Variants in EPHA3 observed in about 807,000 individuals in gnomAD.
EPHA3 encodes the protein ephrin type-A receptor 3.
Under a neutral mutation model 107.1 loss-of-function variants are expected in EPHA3, and 42 were observed. The ratio of observed to expected loss-of-function variants is 0.39; its 90% confidence interval spans 0.31 to 0.51. The LOEUF (loss-of-function observed/expected upper bound fraction) is 0.51, where lower values mean the gene tolerates loss of function less well. EPHA3 is among the 20% of genes least tolerant of loss of function. EPHA3 has a pLI of 0.78. For synonymous variants in EPHA3, 461 were observed against 424.8 expected, an observed-to-expected ratio of 1.09 and a Z score of -1.05; for missense variants, 1,183 against 1,211.2, an observed-to-expected ratio of 0.98 and a Z score of 0.35.
intron 3 of EPHA3, among the ~76,000 whole-genome samples, chr3:89,269,974 C>A (rs567858163): frequency 6.6e-6 from 1 of 151,948 alleles, no homozygotes; most frequent in Admixed American, 6.6e-5. Context: ...AATCACTGGT[C>A]TTTCAGGGTC....
At chr3:89,403,025 T>A (rs996656249) in intron 7 of EPHA3, among the ~76,000 whole-genome samples, 2 of 152,222 alleles carry the variant, frequency 1.3e-5, no homozygotes, top group African/African-American at 4.8e-5. Context: ...ATGACATGTA[T>A]GCATATTTCT....
At chr3:89,287,066 A>T (rs1038675421) in intron 3 of EPHA3, among the ~76,000 whole-genome samples, 1 of 152,184 alleles carries the variant, frequency 6.6e-6, no homozygotes, top group Admixed American at 6.5e-5. Flanking sequence ...CCTCCAAAAC[A>T]CTTTTCAAAT....
At chr3:89,221,076 T>C (rs1024555547) in intron 3 of EPHA3, among the ~76,000 whole-genome samples, 1 of 152,196 alleles carries the variant, frequency 6.6e-6, no homozygotes, top group African/African-American at 2.4e-5. Flanking sequence ...AATTTGAAAG[T>C]GGAACAGATC....
Position 89,472,452 on chromosome 3 carries a change from T to C in EPHA3, c.2691-12T>C, listed in dbSNP as rs1576396226. The C allele has an allele frequency of 1.2e-6, 2 of 1,612,564 alleles. No individual in the cohort carries two copies. The highest frequency in any genetic ancestry group is 1.3e-5 in the African/African-American group (1 of 74,892). On this transcript the variant is annotated splice_polypyrimidine_tract_variant and intron_variant, in intron 15 of 16. Coordinates refer to ENST00000336596, the MANE Select transcript of EPHA3 (RefSeq NM_005233.6). ...CCTGATCTGTCTCCCTTTGGTGTTT[T>C]TTTTCTTGCAGGCCATCAAACCTTC... is the stretch of plus-strand genomic sequence containing the variant.
intron 5 of EPHA3, among the ~76,000 whole-genome samples, chr3:89,378,153 C>T (rs1708436861): frequency 6.6e-6 from 1 of 151,882 alleles, no homozygotes; most frequent in Non-Finnish European, 1.5e-5. Flanking sequence ...AGGAGAAATA[C>T]CTAATATAGA....
At chr3:89,274,807 A>G (rs1705765767) in intron 3 of EPHA3, among the ~76,000 whole-genome samples, 1 of 151,992 alleles carries the variant, frequency 6.6e-6, no homozygotes, top group Non-Finnish European at 1.5e-5. Context: ...AATTTTAAGA[A>G]GATTGGAGCC....
intron 3 of EPHA3, among the ~76,000 whole-genome samples, chr3:89,236,975 TG>T: frequency 6.6e-6 from 1 of 152,320 alleles, no homozygotes; most frequent in African/African-American, 2.4e-5. Flanking sequence ...ATTGCAGTAC[TG>T]AATGAATGTA....
At chr3:89,108,302 G>A (rs1707020881) in intron 1 of EPHA3, among the ~76,000 whole-genome samples, 1 of 152,022 alleles carries the variant, frequency 6.6e-6, no homozygotes, top group Non-Finnish European at 1.5e-5. Context: ...TTTATGAATG[G>A]ACTAAAGGGA....
At chr3:89,396,861 C>T (rs1708860628) in intron 6 of EPHA3, among the ~76,000 whole-genome samples, 1 of 152,056 alleles carries the variant, frequency 6.6e-6, no homozygotes, top group African/African-American at 2.4e-5. Context: ...TGTATAACAA[C>T]CTTATGGAAG....
At chr3:89,305,707 G>T (rs1271033333) in intron 3 of EPHA3, among the ~76,000 whole-genome samples, 2 of 151,946 alleles carry the variant, frequency 1.3e-5, no homozygotes, top group African/African-American at 2.4e-5. Context: ...TAACCCCTTG[G>T]CTGCTTCCAC....
intron 3 of EPHA3, among the ~76,000 whole-genome samples, chr3:89,240,227 T>G (rs1292344195): frequency 1.3e-5 from 2 of 152,216 alleles, no homozygotes; most frequent in Non-Finnish European, 2.9e-5. Flanking sequence ...TTCTGTTTTG[T>G]TTTTTGTGTT....
chr3:89,272,327 C>A (rs1576280815), intron 3 of EPHA3, among the ~76,000 whole-genome samples: 1 of 151,156 alleles, frequency 6.6e-6, no homozygotes, highest in African/African-American at 2.4e-5. Flanking sequence ...AAATTCTATT[C>A]TTTTTAAAAA....
chr3:89,359,270 T>G (rs1708034754), intron 5 of EPHA3, among the ~76,000 whole-genome samples: 1 of 150,956 alleles, frequency 6.6e-6, no homozygotes, highest in Non-Finnish European at 1.5e-5. Context: ...AACATAATAG[T>G]AAGTCAGGTT....
chr3:89,395,816 C>G (rs1708838424), intron 5 of EPHA3, 21 bp from the exon 6 acceptor site: 2 of 1,612,340 alleles, frequency 1.2e-6, no homozygotes, highest in South Asian at 1.1e-5. Flanking sequence ...TCCACCTTCC[C>G]CTCCCATCCT....
intron 3 of EPHA3, among the ~76,000 whole-genome samples, chr3:89,240,135 T>A (rs189008663): frequency 6.6e-6 from 1 of 152,312 alleles, no homozygotes; most frequent in East Asian, 1.9e-4. Flanking sequence ...CAAAAGCAGG[T>A]CGCATGGTTG....
At chr3:89,170,045 G>C (rs1242588529) in intron 2 of EPHA3, among the ~76,000 whole-genome samples, 2 of 151,766 alleles carry the variant, frequency 1.3e-5, no homozygotes, top group African/African-American at 4.8e-5. Context: ...TCAGGGGATC[G>C]AGACCATCCT....
chr3:89,329,252 C>A (rs906085996), intron 3 of EPHA3, among the ~76,000 whole-genome samples: 12 of 152,026 alleles, frequency 7.9e-5, no homozygotes, highest in Non-Finnish European at 1.8e-4. Flanking sequence ...AATTCTCTCT[C>A]CTCCTTCTCC....
chr3:89,295,624 C>A (rs1459773425), intron 3 of EPHA3, among the ~76,000 whole-genome samples: 1 of 152,124 alleles, frequency 6.6e-6, no homozygotes, highest in Admixed American at 6.6e-5. Flanking sequence ...CTCTCTCTTT[C>A]TCTGTCACTC....
At chr3:89,252,270 T>G (rs1348912432) in intron 3 of EPHA3, among the ~76,000 whole-genome samples, 1 of 152,202 alleles carries the variant, frequency 6.6e-6, no homozygotes, top group African/African-American at 2.4e-5. Context: ...ACGACTGGTT[T>G]GGACCATATT....
Sources: allele counts gnomAD v4.1 joint callset (sites outside exome capture counted in the v4.1 genomes callset), GRCh38; gene constraint gnomAD v4.1.1; transcripts MANE v1.5; gene names NCBI Gene and HGNC (gene_info 2026-07-23, HGNC 2026-07-21).